ROBO2: variants seen among roughly 807,000 people sequenced by gnomAD.
ROBO2 encodes roundabout homolog 2.
A neutral mutation model predicts 160.8 loss-of-function variants in ROBO2; 53 were observed. The ratio of observed to expected loss-of-function variants is 0.33; its 90% CI spans 0.26 to 0.41. The LOEUF is 0.41. ROBO2 is among the 10% of genes least tolerant of loss of function. The probability of loss-of-function intolerance (pLI) is 1.00; values close to 1 mark genes in which losing one functional copy is unlikely to be tolerated. For missense variants in ROBO2, 1,577 were observed against 1,722.4 expected (o/e 0.92, Z 1.49); for synonymous variants, 664 against 611.7 (o/e 1.09, Z -1.26).
At chr3:76,397,733 A>G (rs1302281594) in intron 2 of ROBO2, among the ~76,000 whole-genome samples, 3 of 152,216 alleles carry the variant, frequency 2.0e-5, no homozygotes, top group Non-Finnish European at 4.4e-5. Flanking sequence ...AATGCTCACC[A>G]TCACTGGCCA....
At chr3:77,141,535 A>G (rs1445666961) in intron 2 of ROBO2, among the ~76,000 whole-genome samples, 2 of 151,924 alleles carry the variant, frequency 1.3e-5, no homozygotes, top group Non-Finnish European at 2.9e-5. Context: ...CTTACATCCT[A>G]CCCCCTCTCA....
rs148926227 is a variant in ROBO2 at position 76,863,026 on chromosome 3, T to C, written c.110-234988T>C. On this transcript the variant is annotated intron_variant, in intron 2 of 26. Transcript: ENST00000487694. ...GAACACATACCTAATCATTAACTTA[T>C]CAGCTAAAAATCCTTCCTTAAATCT... Among the ~76,000 whole-genome samples, 3 of 152,218 alleles carry C rather than the reference T, an allele frequency of 2.0e-5. No individual in the cohort carries two copies. In the East Asian group the frequency reaches 5.8e-4, roughly 29 times the overall value.
chr3:76,420,413 G>A (rs2075944954), intron 2 of ROBO2, among the ~76,000 whole-genome samples: 2 of 152,150 alleles, frequency 1.3e-5, no homozygotes, highest in African/African-American at 4.8e-5. Flanking sequence ...GTGTTTAAAT[G>A]ATGACGTGTT....
At chr3:75,974,457 A>T (rs564669175) in intron 2 of ROBO2, among the ~76,000 whole-genome samples, 1 of 151,728 alleles carries the variant, frequency 6.6e-6, no homozygotes, top group East Asian at 2.0e-4. Context: ...GAGAGTAGCT[A>T]TACTTCAAAT....
chr3:76,682,757 T>C (rs967512813), intron 2 of ROBO2, among the ~76,000 whole-genome samples: 3 of 152,158 alleles, frequency 2.0e-5, no homozygotes, highest in African/African-American at 7.2e-5. Context: ...CTTGAGTATC[T>C]TGCCAAAGGT....
chr3:77,301,110 C>T (rs2062620177), intron 2 of ROBO2, among the ~76,000 whole-genome samples: 1 of 151,956 alleles, frequency 6.6e-6, no homozygotes, highest in Non-Finnish European at 1.5e-5. Flanking sequence ...CTCAGTTGAT[C>T]CACCCACCTT....
chr3:77,161,428 T>C (rs1234458550), intron 2 of ROBO2, among the ~76,000 whole-genome samples: 6 of 152,204 alleles, frequency 3.9e-5, no homozygotes, highest in African/African-American at 7.2e-5. Flanking sequence ...ATGTTTGGAC[T>C]CTTTATTAAG....
Position 76,182,908 on chromosome 3 carries a change from A to G in ROBO2, c.109+245306A>G, listed in dbSNP as rs958015120. Among the ~76,000 whole-genome samples the G allele has an allele frequency of 3.3e-5, 5 of 152,134 alleles. No homozygotes were observed. The South Asian group carries it at 6.2e-4, about 19-fold the overall frequency. ...CATTGTCTGCTTGTTCCTGGTGTCT[A>G]TTTGCTCTATAACAAATTTCCTTGA... On this transcript the variant is annotated intron_variant, in intron 2 of 26. Coordinates refer to the ROBO2 transcript ENST00000487694.
At chr3:77,216,597 C>T (rs570174250) in intron 2 of ROBO2, among the ~76,000 whole-genome samples, 39 of 152,208 alleles carry the variant, frequency 2.6e-4, no homozygotes, top group Admixed American at 1.7e-3. Flanking sequence ...ACCCACTGTC[C>T]GACATTCCCC....
intron 2 of ROBO2, among the ~76,000 whole-genome samples, chr3:77,445,794 G>GTTTTTTTTT (rs199914360): frequency 4.9e-5 from 6 of 123,062 alleles, no homozygotes; most frequent in African/African-American, 6.4e-5. Flanking sequence ...GTTTTTTTTT[G>GTTTTTTTTT]TTTTTTTTTT....
Position 76,059,723 on chromosome 3 carries a change from C to T in ROBO2, c.109+122121C>T, listed in dbSNP as rs1357010119. 3.3e-5 allele frequency among the ~76,000 whole-genome samples: 5 copies of T among 152,110 alleles called. No individual in the cohort carries two copies. The East Asian group carries it at 7.7e-4, about 23-fold the overall frequency. On this transcript the variant is annotated intron_variant, in intron 2 of 26. Transcript: ENST00000487694. Reference sequence around the variant, plus strand: ...TGGTGTTTTAGACATGAAGTCCTTGCCCATGCCTATGTCCTGAATGGTATT... The same window carrying T: ...TGGTGTTTTAGACATGAAGTCCTTGTCCATGCCTATGTCCTGAATGGTATT...
At chr3:76,808,412 T>C (rs975952444) in intron 2 of ROBO2, among the ~76,000 whole-genome samples, 1 of 152,120 alleles carries the variant, frequency 6.6e-6, no homozygotes, top group Admixed American at 6.6e-5. Flanking sequence ...TCCTTCCTCC[T>C]CTGTCCCAGG....
intron 2 of ROBO2, among the ~76,000 whole-genome samples, chr3:76,007,524 T>C (rs2066058348): frequency 6.6e-6 from 1 of 152,200 alleles, no homozygotes; most frequent in Non-Finnish European, 1.5e-5. Context: ...AGGTATTTTT[T>C]TCAGAGATAA....
chr3:77,212,454 A>G (rs567518203), intron 2 of ROBO2, among the ~76,000 whole-genome samples: 2 of 152,286 alleles, frequency 1.3e-5, no homozygotes, highest in East Asian at 3.9e-4. Flanking sequence ...GAAGTTGCCT[A>G]CCAGCTTAAG....
chr3:76,642,280 C>T (rs144824584), intron 2 of ROBO2, among the ~76,000 whole-genome samples: 3 of 150,790 alleles, frequency 2.0e-5, no homozygotes, highest in East Asian at 3.9e-4. Context: ...GAGCTCAAGA[C>T]CTTGACCGCT....
intron 2 of ROBO2, among the ~76,000 whole-genome samples, chr3:76,101,243 T>A (rs1003113262): frequency 6.6e-6 from 1 of 152,194 alleles, no homozygotes; most frequent in East Asian, 1.9e-4. Context: ...ATAGGTATAA[T>A]GTTAATCAAT....
At chr3:76,162,617 T>G (rs1406918382) in intron 2 of ROBO2, among the ~76,000 whole-genome samples, 2 of 152,166 alleles carry the variant, frequency 1.3e-5, no homozygotes, top group Non-Finnish European at 2.9e-5. Context: ...CCAGACTATT[T>G]TGTTTTATTA....
intron 24 of ROBO2, among the ~76,000 whole-genome samples, chr3:77,638,922 G>A (rs115491595): frequency 0.022 from 3,350 of 150,178 alleles, 130 homozygotes; most frequent in African/African-American, 0.077. Context: ...CACCTTCCGG[G>A]TTCAAGCGAT....
At chr3:77,465,161 A>G (rs779459325) in intron 2 of ROBO2, among the ~76,000 whole-genome samples, 25 of 152,126 alleles carry the variant, frequency 1.6e-4, no homozygotes, top group African/African-American at 2.9e-4. Context: ...TAAGGTTAAT[A>G]TGGTGCATGA....
Sources: allele counts gnomAD v4.1 joint callset (sites outside exome capture counted in the v4.1 genomes callset), GRCh38; gene constraint gnomAD v4.1.1; transcripts MANE v1.5; gene names NCBI Gene and HGNC (gene_info 2026-07-23, HGNC 2026-07-21).